Variants in WASF3 observed in about 807,000 individuals in gnomAD.
The protein encoded by WASF3 is actin-binding protein WASF3.
A neutral mutation model predicts 46.6 loss-of-function variants in WASF3; 11 were observed. That is an observed-to-expected ratio of 0.24 (90% CI 0.15 to 0.39). The LOEUF (loss-of-function observed/expected upper bound fraction) is 0.39. Ranked by LOEUF, WASF3 falls within the 10% of genes least tolerant of loss-of-function variation. The probability of loss-of-function intolerance (pLI) is 1.00; values close to 1 mark genes in which losing one functional copy is unlikely to be tolerated. For missense variants in WASF3, 576 were observed against 669.8 expected (o/e 0.86, Z 1.55); for synonymous variants, 242 against 259.7 (o/e 0.93, Z 0.65).
the WASF3 span, among the ~76,000 whole-genome samples, chr13:26,544,608 T>G: frequency 6.4e-4 from 97 of 152,376 alleles, 1 homozygote; most frequent in African/African-American, 2.3e-3. Context: ...CCATGTCTAA[T>G]GTGATGTCAC....
intron 1 of WASF3, among the ~76,000 whole-genome samples, chr13:26,563,375 C>T (rs887646668): frequency 2.2e-4 from 34 of 151,998 alleles, no homozygotes; most frequent in Admixed American, 2.0e-3. Flanking sequence ...ATAATTTTTC[C>T]GCACTAATGC....
chr13:26,576,117 T>G (rs1879788949), intron 1 of WASF3, among the ~76,000 whole-genome samples: 1 of 152,148 alleles, frequency 6.6e-6, no homozygotes. Flanking sequence ...CCTCTTTGCC[T>G]AATTTGTTTT....
upstream of WASF3, among the ~76,000 whole-genome samples, chr13:26,553,173 C>A (rs577256160): frequency 4.6e-5 from 7 of 152,306 alleles, no homozygotes; most frequent in East Asian, 7.7e-4. Context: ...GCTGCATGCA[C>A]GGGATTTCAC....
chr13:26,582,672 G>A (rs1236084766), intron 1 of WASF3, among the ~76,000 whole-genome samples: 2 of 52,518 alleles, frequency 3.8e-5, no homozygotes, highest in African/African-American at 1.7e-4. Context: ...GTGAGACTCC[G>A]TCTCAAAAAA....
At chr13:26,578,020 T>C (rs939671470) in intron 1 of WASF3, among the ~76,000 whole-genome samples, 10 of 152,238 alleles carry the variant, frequency 6.6e-5, no homozygotes, top group African/African-American at 2.2e-4. Context: ...TTAGACTTTT[T>C]TTTATGTATA....
At chr13:26,606,321 CGTGTGTGTGTGTGTGTGT>C (rs60865367) in intron 1 of WASF3, among the ~76,000 whole-genome samples, 16 of 132,056 alleles carry the variant, frequency 1.2e-4, no homozygotes, top group South Asian at 8.1e-4. Context: ...TCTTTTTTTT[CGTGTGTGTGTGTGTGTGT>C]GTGTGTGTGT....
At chr13:26,559,974 T>C (rs955365146) in intron 1 of WASF3, among the ~76,000 whole-genome samples, 2 of 151,556 alleles carry the variant, frequency 1.3e-5, no homozygotes, top group Admixed American at 1.3e-4. Context: ...CCCGCCACCA[T>C]GCCCGGCTAA....
chr13:26,589,421 A>G (rs1880225750), intron 1 of WASF3, among the ~76,000 whole-genome samples: 1 of 152,162 alleles, frequency 6.6e-6, no homozygotes, highest in South Asian at 2.1e-4. Context: ...CTTTACTGCA[A>G]ATTGAGCCCA....
At chr13:26,542,932 A>G in the WASF3 span, among the ~76,000 whole-genome samples, 1 of 152,348 alleles carries the variant, frequency 6.6e-6, no homozygotes, top group South Asian at 2.1e-4. Flanking sequence ...TAGTATCTGC[A>G]CATAAGGAGC....
chr13:26,667,201 G>A (rs73168087), intron 4 of WASF3, among the ~76,000 whole-genome samples: 1,892 of 152,186 alleles, frequency 0.012, 18 homozygotes, highest in Non-Finnish European at 0.019. Context: ...TTACATGCCT[G>A]TTACATTCAT....
chr13:26,596,547 T>G, intron 1 of WASF3, among the ~76,000 whole-genome samples: 1 of 152,192 alleles, frequency 6.6e-6, no homozygotes, highest in Non-Finnish European at 1.5e-5. Context: ...CATTTTCCTC[T>G]GGTTGCTTTG....
At chr13:26,654,560 T>A (rs933952413) in intron 3 of WASF3, among the ~76,000 whole-genome samples, 1 of 152,244 alleles carries the variant, frequency 6.6e-6, no homozygotes, top group African/African-American at 2.4e-5. Flanking sequence ...CAAGGCCTGA[T>A]ACACAGTCGA....
At chr13:26,628,877 G>GTCC (rs2137256665) in intron 2 of WASF3, among the ~76,000 whole-genome samples, 1 of 152,326 alleles carries the variant, frequency 6.6e-6, no homozygotes, top group Admixed American at 6.5e-5. Context: ...AAGCCCACAT[G>GTCC]TCCTCCTCCT....
intron 1 of WASF3, among the ~76,000 whole-genome samples, chr13:26,601,224 G>A (rs1880632684): frequency 6.6e-6 from 1 of 152,162 alleles, no homozygotes; most frequent in African/African-American, 2.4e-5. Flanking sequence ...AAATTTCCAT[G>A]GAATTCCATT....
At chr13:26,543,432 T>G in the WASF3 span, among the ~76,000 whole-genome samples, 2 of 152,306 alleles carry the variant, frequency 1.3e-5, no homozygotes, top group South Asian at 4.1e-4. Context: ...TAGAATACAA[T>G]AGACTTCATT....
At chr13:26,577,212 T>C in intron 1 of WASF3, 3 of 737,404 alleles carry the variant, frequency 4.1e-6, no homozygotes. Context: ...TGACAAAATG[T>C]GTTCCATGGT....
At chr13:26,643,605 T>C (rs1882064393) in intron 3 of WASF3, among the ~76,000 whole-genome samples, 1 of 152,242 alleles carries the variant, frequency 6.6e-6, no homozygotes, top group Non-Finnish European at 1.5e-5. Context: ...GAAGACTGCT[T>C]GTAAATTATT....
rs1465156066 is a variant in WASF3, at chr13:26,681,469, G to A, written c.983+149G>A. On this transcript the variant is annotated intron_variant, in intron 8 of 9. Coordinates refer to ENST00000335327, the MANE Select transcript of WASF3 (RefSeq NM_006646.6). Reference sequence around the variant, plus strand: ...TAGATACTAGCAACTCTAACATTCTGTGTGAAATAAAGCAGGTGCAGCATA... The same window carrying A: ...TAGATACTAGCAACTCTAACATTCTATGTGAAATAAAGCAGGTGCAGCATA... 15 of 1,022,938 alleles carry A rather than the reference G, an allele frequency of 1.5e-5. No individual in the cohort carries two copies. The Admixed American group carries it at 4.3e-4, about 29-fold the overall frequency. 63.4% of individuals were successfully genotyped at this position (1,022,938 alleles called of 1,614,324 possible).
chr13:26,608,405 A>C (rs1337466520), intron 1 of WASF3, among the ~76,000 whole-genome samples: 1 of 152,182 alleles, frequency 6.6e-6, no homozygotes, highest in Non-Finnish European at 1.5e-5. Flanking sequence ...ATTAAAATGC[A>C]CCTAGCTGAG....
Sources: allele counts gnomAD v4.1 joint callset (sites outside exome capture counted in the v4.1 genomes callset), GRCh38; gene constraint gnomAD v4.1.1; transcripts MANE v1.5; gene names NCBI Gene and HGNC (gene_info 2026-07-23, HGNC 2026-07-21).